Variants in TAFA2 observed in about 807,000 individuals in gnomAD.
The protein encoded by TAFA2 is TAFA chemokine like family member 2.
Under a neutral mutation model 18.8 loss-of-function variants are expected in TAFA2, and 7 were observed. That is an observed-to-expected ratio of 0.37 (90% CI 0.21 to 0.70). The LOEUF (loss-of-function observed/expected upper bound fraction) is 0.70. Among genes scored for constraint, TAFA2 ranks in the 30% least tolerant of loss-of-function variants. The pLI is 0.53. For missense variants in TAFA2, 122 were observed against 158.1 expected, an observed-to-expected ratio of 0.77 and a Z score of 1.23; for synonymous variants, 60 against 54.2, an observed-to-expected ratio of 1.11 and a Z score of -0.47.
intron 2 of TAFA2, among the ~76,000 whole-genome samples, chr12:61,786,526 G>A (rs1287277002): frequency 6.6e-6 from 1 of 151,478 alleles, no homozygotes; most frequent in Non-Finnish European, 1.5e-5. Context: ...ACACACATTA[G>A]CATTAGTAAA....
intron 1 of TAFA2, among the ~76,000 whole-genome samples, chr12:62,146,003 T>C (rs1190215075): frequency 6.6e-6 from 1 of 152,242 alleles, no homozygotes; most frequent in Admixed American, 6.5e-5. Flanking sequence ...CCATGCCAAA[T>C]GATGGGAATG....
intron 1 of TAFA2, among the ~76,000 whole-genome samples, chr12:62,209,287 A>G (rs1470238932): frequency 1.3e-5 from 2 of 152,296 alleles, no homozygotes; most frequent in East Asian, 3.9e-4. Flanking sequence ...GTAAGTTCTC[A>G]TAAGATCTGA....
intron 1 of TAFA2, among the ~76,000 whole-genome samples, chr12:61,975,770 T>C (rs1200485404): frequency 6.6e-6 from 1 of 151,754 alleles, no homozygotes; most frequent in East Asian, 1.9e-4. Context: ...AACTTGTAGT[T>C]AAAAGACTAA....
chr12:61,990,167 C>T (rs1271391826), intron 1 of TAFA2, among the ~76,000 whole-genome samples: 1 of 151,974 alleles, frequency 6.6e-6, no homozygotes, highest in Non-Finnish European at 1.5e-5. Context: ...AAAAAAAATT[C>T]AAGACAGCTG....
chr12:61,881,231 A>T (rs1875123220), intron 1 of TAFA2, among the ~76,000 whole-genome samples: 1 of 152,184 alleles, frequency 6.6e-6, no homozygotes, highest in East Asian at 1.9e-4. Context: ...TTATATATAC[A>T]GTTATGCATT....
chr12:62,106,804 G>A (rs972113164), intron 1 of TAFA2, among the ~76,000 whole-genome samples: 2 of 152,132 alleles, frequency 1.3e-5, no homozygotes, highest in Admixed American at 1.3e-4. Flanking sequence ...TCACTGTCAG[G>A]AGTAGCAGCA....
chr12:61,820,328 A>G (rs1001831638), intron 2 of TAFA2, among the ~76,000 whole-genome samples: 1 of 152,032 alleles, frequency 6.6e-6, no homozygotes, highest in African/African-American at 2.4e-5. Flanking sequence ...ATCTGTCTCA[A>G]CATATCCAAA....
intron 1 of TAFA2, among the ~76,000 whole-genome samples, chr12:62,038,783 A>G (rs190069119): frequency 1.8e-3 from 268 of 152,352 alleles, no homozygotes; most frequent in African/African-American, 6.1e-3. Context: ...CGTTCCCAGG[A>G]AAGAAATGCA....
intron 1 of TAFA2, among the ~76,000 whole-genome samples, chr12:61,937,193 T>C (rs1455882481): frequency 6.6e-6 from 1 of 152,130 alleles, no homozygotes; most frequent in Admixed American, 6.5e-5. Flanking sequence ...GGTTCATGAA[T>C]TGGAAGAATA....
intron 1 of TAFA2, among the ~76,000 whole-genome samples, chr12:62,250,140 T>C (rs1369782044): frequency 1.3e-5 from 2 of 152,256 alleles, no homozygotes; most frequent in Non-Finnish European, 2.9e-5. Flanking sequence ...CAATATGTTG[T>C]AAATTCAGTC....
At position 62,166,221 on chromosome 12, in the gene TAFA2, A is replaced by C. The variant is rs566887834; in HGVS notation, c.-2+25038T>G. 4.7e-4 allele frequency among the ~76,000 whole-genome samples: 72 copies of C among 152,286 alleles called. 1 individual carries two copies. Among genetic ancestry groups the C allele is most frequent in the African/African-American group, 1.7e-3 (70 of 41,574 alleles). On this transcript the variant is annotated intron_variant, in intron 1 of 4. Transcript: ENST00000416284. ...CAAATTTAAATTATACTGAAACACTAGTTCTCACCTATAAGATTGGCATAA... is the reference window on the plus strand; with the variant it reads ...CAAATTTAAATTATACTGAAACACTCGTTCTCACCTATAAGATTGGCATAA...
intron 1 of TAFA2, among the ~76,000 whole-genome samples, chr12:62,233,167 G>A (rs550323131): frequency 5.6e-4 from 69 of 123,204 alleles, no homozygotes; most frequent in African/African-American, 1.8e-3. Flanking sequence ...TACAACCTCC[G>A]CCTCCCACGT....
At chr12:61,911,818 A>C (rs1396675600) in intron 1 of TAFA2, among the ~76,000 whole-genome samples, 1 of 152,182 alleles carries the variant, frequency 6.6e-6, no homozygotes, top group Non-Finnish European at 1.5e-5. Context: ...ATAGCCAGGA[A>C]ACAAGAATCA....
intron 1 of TAFA2, among the ~76,000 whole-genome samples, chr12:61,969,095 C>T (rs1424081653): frequency 4.0e-5 from 6 of 151,666 alleles, no homozygotes; most frequent in African/African-American, 7.3e-5. Flanking sequence ...CTTTCGAATA[C>T]GTTGTAAGTT....
intron 1 of TAFA2, among the ~76,000 whole-genome samples, chr12:62,050,387 G>A (rs964233705): frequency 1.1e-4 from 17 of 151,880 alleles, no homozygotes; most frequent in African/African-American, 3.6e-4. Flanking sequence ...TGGCTAACAC[G>A]GTGAAACCCC....
chr12:61,946,214 C>A (rs1340188406), intron 1 of TAFA2, among the ~76,000 whole-genome samples: 1 of 150,568 alleles, frequency 6.6e-6, no homozygotes, highest in Admixed American at 6.6e-5. Context: ...GGAAAGGATT[C>A]CCTATTTAAT....
intron 1 of TAFA2, among the ~76,000 whole-genome samples, chr12:62,221,446 G>A (rs2062762562): frequency 6.6e-6 from 1 of 152,122 alleles, no homozygotes; most frequent in African/African-American, 2.4e-5. Context: ...ACTGGGCTAT[G>A]ATAACTAAGA....
At chr12:62,256,992 T>A (rs900740619) in intron 1 of TAFA2, among the ~76,000 whole-genome samples, 1 of 151,978 alleles carries the variant, frequency 6.6e-6, no homozygotes. Context: ...TGGGCGGGAA[T>A]AACTGTAGAG....
chr12:62,156,134 G>A (rs1005966384), intron 1 of TAFA2, among the ~76,000 whole-genome samples: 7 of 152,146 alleles, frequency 4.6e-5, no homozygotes, highest in Non-Finnish European at 8.8e-5. Context: ...AGTGGGCTAA[G>A]GACATGAATA....
Sources: allele counts gnomAD v4.1 joint callset (sites outside exome capture counted in the v4.1 genomes callset), GRCh38; gene constraint gnomAD v4.1.1; transcripts MANE v1.5; gene names NCBI Gene and HGNC (gene_info 2026-07-23, HGNC 2026-07-21).